The following EXOC6B variants were observed in gnomAD, a reference collection of about 807,000 sequenced individuals.
EXOC6B encodes exocyst complex component 6B.
In EXOC6B, 54 loss-of-function variants were observed where a neutral mutation model predicts 113.5. The observed-to-expected ratio is 0.48, with a 90% CI of 0.38 to 0.60. The LOEUF is 0.60. Ranked by LOEUF, EXOC6B falls within the 20% of genes least tolerant of loss-of-function variation. The probability of loss-of-function intolerance (pLI) is 0.00; values close to 1 mark genes in which losing one functional copy is unlikely to be tolerated. For missense variants in EXOC6B, 797 were observed against 977.5 expected, an observed-to-expected ratio of 0.82 and a Z score of 2.46; for synonymous variants, 357 against 339.0, an observed-to-expected ratio of 1.05 and a Z score of -0.58.
At chr2:72,298,728 C>A (rs1237775203) in intron 20 of EXOC6B, among the ~76,000 whole-genome samples, 1 of 152,150 alleles carries the variant, frequency 6.6e-6, no homozygotes, top group Non-Finnish European at 1.5e-5. Flanking sequence ...GATTTTATTT[C>A]TCCTTCACTT....
At chr2:72,213,008 G>T (rs1319093516) in intron 20 of EXOC6B, among the ~76,000 whole-genome samples, 2 of 139,554 alleles carry the variant, frequency 1.4e-5, no homozygotes, top group African/African-American at 2.5e-5. Flanking sequence ...TTCCTCAAGA[G>T]AATATGACAA....
intron 18 of EXOC6B, among the ~76,000 whole-genome samples, chr2:72,424,448 C>T (rs1303887707): frequency 6.6e-6 from 1 of 151,690 alleles, no homozygotes; most frequent in Non-Finnish European, 1.5e-5. Context: ...AATTTTTATC[C>T]ATAATTTTCT....
rs905696266 is a variant in EXOC6B, at chr2:72,459,943, T to C, written c.1980+5217A>G. ...ACAAAGCTGGAGGCATCATGCTACCTGACTTCAAACCATACTATAAGGCTA... is the reference window on the plus strand; with the variant it reads ...ACAAAGCTGGAGGCATCATGCTACCCGACTTCAAACCATACTATAAGGCTA... On this transcript the variant is annotated intron_variant, in intron 18 of 21. Coordinates refer to ENST00000272427, the MANE Select transcript of EXOC6B (RefSeq NM_015189.3). Among the ~76,000 whole-genome samples the C allele has an allele frequency of 5.3e-5, 8 of 152,284 alleles. 1 individual carries two copies. The highest frequency in any genetic ancestry group is 1.9e-4 in the African/African-American group (8 of 41,558).
chr2:72,477,628 C>A (rs954944631), intron 17 of EXOC6B, among the ~76,000 whole-genome samples: 3 of 152,226 alleles, frequency 2.0e-5, no homozygotes, highest in African/African-American at 7.2e-5. Context: ...CTAATGACAT[C>A]ACATCTCATT....
At chr2:72,564,681 G>C (rs1704065315) in intron 7 of EXOC6B, among the ~76,000 whole-genome samples, 1 of 152,158 alleles carries the variant, frequency 6.6e-6, no homozygotes, top group Admixed American at 6.5e-5. Flanking sequence ...GAAAAGAAGG[G>C]TAGAATTCAT....
intron 1 of EXOC6B, among the ~76,000 whole-genome samples, chr2:72,783,820 C>T (rs1446195411): frequency 2.0e-5 from 3 of 152,148 alleles, no homozygotes; most frequent in Non-Finnish European, 4.4e-5. Context: ...TGACCATTTC[C>T]TTTGCTGTGC....
intron 18 of EXOC6B, among the ~76,000 whole-genome samples, chr2:72,435,526 T>C (rs1695799472): frequency 6.6e-6 from 1 of 152,198 alleles, no homozygotes; most frequent in South Asian, 2.1e-4. Flanking sequence ...CCCACTATTA[T>C]TGTGTGGGAC....
chr2:72,749,470 G>T (rs972051299), intron 1 of EXOC6B, among the ~76,000 whole-genome samples: 1 of 151,948 alleles, frequency 6.6e-6, no homozygotes, highest in African/African-American at 2.4e-5. Context: ...TGGTGCAAAA[G>T]TAATTGCGGT....
At chr2:72,620,819 A>C (rs1156296483) in intron 6 of EXOC6B, among the ~76,000 whole-genome samples, 1 of 152,148 alleles carries the variant, frequency 6.6e-6, no homozygotes, top group Non-Finnish European at 1.5e-5. Context: ...AAAGACAAAT[A>C]ACCCGATTAA....
intron 18 of EXOC6B, among the ~76,000 whole-genome samples, chr2:72,390,764 A>C (rs1692326841): frequency 6.6e-6 from 1 of 152,074 alleles, no homozygotes; most frequent in Non-Finnish European, 1.5e-5. Context: ...ACCTTCTTAC[A>C]GGTTGTAATT....
In EXOC6B at chr2:72,700,469, T is replaced by C. The variant is rs1678240287; in HGVS notation, c.669+17634A>G. Among the ~76,000 whole-genome samples, 6 of 152,232 alleles carry C rather than the reference T, an allele frequency of 3.9e-5. No homozygotes were observed. In the South Asian group the frequency reaches 1.2e-3, roughly 31 times the overall value. On this transcript the variant is annotated intron_variant, in intron 6 of 21. Coordinates refer to ENST00000272427, the MANE Select transcript of EXOC6B (RefSeq NM_015189.3). ...TATTTGCCTCATTTTCTTCTCTGCT[T>C]AGAGGTTACAGTGAGTTCCTCAACA... is the stretch of plus-strand genomic sequence containing the variant.
At chr2:72,395,366 A>G in intron 18 of EXOC6B, among the ~76,000 whole-genome samples, 1 of 152,114 alleles carries the variant, frequency 6.6e-6, no homozygotes, top group East Asian at 1.9e-4. Flanking sequence ...ACTGGTCAAT[A>G]CCCTAAATAA....
chr2:72,783,516 G>T (rs1256714436), intron 1 of EXOC6B, among the ~76,000 whole-genome samples: 2 of 151,464 alleles, frequency 1.3e-5, no homozygotes, highest in African/African-American at 4.9e-5. Flanking sequence ...TAGAGATGGG[G>T]TTTCACCATG....
At chr2:72,521,568 T>C (rs1701489691) in intron 8 of EXOC6B, among the ~76,000 whole-genome samples, 1 of 152,174 alleles carries the variant, frequency 6.6e-6, no homozygotes, top group South Asian at 2.1e-4. Flanking sequence ...CAGAGAAAAT[T>C]TTACTTAAAT....
Position 72,352,223 on chromosome 2 carries a change from C to A in EXOC6B, c.2123-17203G>T, listed in dbSNP as rs538970738. The stretch of plus-strand genomic sequence containing the variant: ...AAACATGGGCCTCAATTCACCCATC[C>A]AAATGTACATTATCCCACTAGTGAC... On this transcript the variant is annotated intron_variant, in intron 19 of 21. Transcript: ENST00000272427. Among the ~76,000 whole-genome samples the A allele has an allele frequency of 3.9e-5, 6 of 152,238 alleles. No homozygotes were observed. In the South Asian group the frequency reaches 1.0e-3, roughly 26 times the overall value.
intron 18 of EXOC6B, among the ~76,000 whole-genome samples, chr2:72,406,232 A>G (rs1196473589): frequency 2.0e-5 from 3 of 152,170 alleles, no homozygotes; most frequent in African/African-American, 7.2e-5. Context: ...AAAGAGACTT[A>G]GACTCCCACA....
intron 20 of EXOC6B, among the ~76,000 whole-genome samples, chr2:72,207,037 G>C (rs984660583): frequency 1.3e-5 from 2 of 152,068 alleles, no homozygotes; most frequent in African/African-American, 2.4e-5. Context: ...CACCAAAATA[G>C]AGCAAATTAT....
At chr2:72,770,103 G>A (rs1229702629) in intron 1 of EXOC6B, among the ~76,000 whole-genome samples, 1 of 151,890 alleles carries the variant, frequency 6.6e-6, no homozygotes, top group East Asian at 1.9e-4. Context: ...TACTAGAGGA[G>A]GAACACAAAC....
At chr2:72,226,426 C>T (rs535297098) in intron 20 of EXOC6B, among the ~76,000 whole-genome samples, 15 of 152,106 alleles carry the variant, frequency 9.9e-5, no homozygotes, top group Non-Finnish European at 2.1e-4. Context: ...AAATTATTCC[C>T]CCAAAAGTTT....
Sources: gnomAD v4.1 joint callset for allele counts (sites outside exome capture counted in the v4.1 genomes callset) on GRCh38, gnomAD v4.1.1 for gene constraint, MANE v1.5 for transcripts, NCBI Gene and HGNC (gene_info 2026-07-23, HGNC 2026-07-21) for gene names.